The following NEDD4L variants were observed in gnomAD, a reference collection of about 807,000 sequenced individuals.
NEDD4L encodes the protein NEDD4 like E3 ubiquitin protein ligase.
In NEDD4L, 54 loss-of-function variants were observed where a neutral mutation model predicts 148.9. The observed-to-expected ratio is 0.36, with a 90% confidence interval of 0.29 to 0.45. The LOEUF is 0.45. Ranked by LOEUF, NEDD4L falls within the 20% of genes least tolerant of loss-of-function variation. The pLI is 1.00. For synonymous variants in NEDD4L, 433 were observed against 440.7 expected (o/e 0.98, Z 0.22); for missense variants, 856 against 1,233.8 (o/e 0.69, Z 4.59).
intron 13 of NEDD4L, chr18:58,336,108 G>A (rs2041718327): frequency 6.6e-6 from 1 of 152,262 alleles, no homozygotes; most frequent in Non-Finnish European, 1.5e-5. Flanking sequence ...GGATATATAA[G>A]TGATCTAGAA....
chr18:58,121,684 C>T (rs1203704762), intron 1 of NEDD4L, among the ~76,000 whole-genome samples: 1 of 152,214 alleles, frequency 6.6e-6, no homozygotes, highest in Non-Finnish European at 1.5e-5. Flanking sequence ...GCTGGGATTG[C>T]AGGCATGAGC....
At chr18:58,278,141 CT>C (rs2052431917) in intron 5 of NEDD4L, among the ~76,000 whole-genome samples, 1 of 151,878 alleles carries the variant, frequency 6.6e-6, no homozygotes, top group Non-Finnish European at 1.5e-5. Context: ...CCATGTAGTT[CT>C]TTGATAGAAT....
intron 19 of NEDD4L, among the ~76,000 whole-genome samples, chr18:58,357,741 A>G (rs1222749336): frequency 6.6e-6 from 1 of 152,192 alleles, no homozygotes; most frequent in Non-Finnish European, 1.5e-5. Context: ...GCCGACCCAC[A>G]GTGTTCTCAT....
At chr18:58,140,128 A>G (rs2033330539) in intron 1 of NEDD4L, among the ~76,000 whole-genome samples, 1 of 152,152 alleles carries the variant, frequency 6.6e-6, no homozygotes, top group South Asian at 2.1e-4. Context: ...GGACTGGAGC[A>G]ATGACATACC....
chr18:58,315,529 T>A (rs999648191), intron 5 of NEDD4L, among the ~76,000 whole-genome samples: 1 of 152,068 alleles, frequency 6.6e-6, no homozygotes, highest in African/African-American at 2.4e-5. Flanking sequence ...TGAGATGCAG[T>A]TTGTAAGATG....
At chr18:58,229,914 A>G (rs2044901804) in intron 2 of NEDD4L, among the ~76,000 whole-genome samples, 1 of 152,134 alleles carries the variant, frequency 6.6e-6, no homozygotes, top group South Asian at 2.1e-4. Flanking sequence ...CCTTGAACCC[A>G]GGAGGCGGAG....
At chr18:58,357,120 T>C in intron 18 of NEDD4L, 74 bp from the exon 19 acceptor site, 1 of 1,361,570 alleles carries the variant, frequency 7.3e-7, no homozygotes, top group Non-Finnish European at 1.0e-6. Context: ...AATACTTCCT[T>C]CCAAAACTTT....
At chr18:58,347,092 A>G (rs2043165500) in intron 16 of NEDD4L, among the ~76,000 whole-genome samples, 1 of 151,950 alleles carries the variant, frequency 6.6e-6, no homozygotes, top group African/African-American at 2.4e-5. Flanking sequence ...CTAGGTTTCC[A>G]TGCAAGGCCA....
At chr18:58,345,731 C>CT (rs933934722) in intron 16 of NEDD4L, among the ~76,000 whole-genome samples, 1 of 151,758 alleles carries the variant, frequency 6.6e-6, no homozygotes, top group Non-Finnish European at 1.5e-5. Context: ...GCCTCATTCT[C>CT]TTTTTTTTAA....
At chr18:58,144,115 T>TAAAAAAAAA (rs5825266) in intron 1 of NEDD4L, among the ~76,000 whole-genome samples, 1 of 142,874 alleles carries the variant, frequency 7.0e-6, no homozygotes, top group Non-Finnish European at 1.5e-5. Flanking sequence ...AGAGCAGCAT[T>TAAAAAAAAA]AAAAAAAAAA....
In NEDD4L at chr18:58,113,977, C is replaced by G. The variant is rs183306966; in HGVS notation, c.49-51811C>G. Among the ~76,000 whole-genome samples, 988 of 152,330 alleles carry G rather than the reference C, an allele frequency of 6.5e-3. 5 individuals are homozygous for G. Among genetic ancestry groups the G allele is most frequent in the Non-Finnish European group, 0.011 (746 of 68,036 alleles). On this transcript the variant is annotated intron_variant, in intron 1 of 30. Coordinates refer to ENST00000400345, the MANE Select transcript of NEDD4L (RefSeq NM_001144967.3). Reference sequence around the variant, plus strand: ...AGTGCCCACGTTTTCTGTCCTCTGTCCCCTGTGAGGGTATGTGCGCTCTCA... The same window carrying G: ...AGTGCCCACGTTTTCTGTCCTCTGTGCCCTGTGAGGGTATGTGCGCTCTCA...
chr18:58,114,135 T>C (rs538257), intron 1 of NEDD4L, among the ~76,000 whole-genome samples: 143,056 of 152,198 alleles, frequency 0.94, 67,330 homozygotes, highest in East Asian at 1. Flanking sequence ...TTTTTAGGGC[T>C]GTGCATTCTT....
chr18:58,238,361 C>T (rs988064168), intron 2 of NEDD4L, among the ~76,000 whole-genome samples: 1 of 152,128 alleles, frequency 6.6e-6, no homozygotes, highest in Admixed American at 6.5e-5. Context: ...TTACAGGGTT[C>T]AGTACCTCAT....
rs34075636 is a variant in NEDD4L at position 58,148,048 on chromosome 18, C to CT, written c.49-17730dup. The stretch of plus-strand genomic sequence containing the variant: ...AAGGAGTCCACCCCTCTCTCCCCCC[C>CT]TTTTTTTTTTGGTCACTGAAATATT... On this transcript the variant is annotated intron_variant, in intron 1 of 30. Transcript: ENST00000400345. Among the ~76,000 whole-genome samples, 370 of 148,484 alleles carry CT rather than the reference C, an allele frequency of 2.5e-3. 1 individual carries two copies. Among genetic ancestry groups the CT allele is most frequent in the African/African-American group, 8.0e-3 (326 of 40,678 alleles).
At chr18:58,165,642 G>T in intron 1 of NEDD4L, 146 bp from the exon 2 acceptor site, 4 of 1,523,542 alleles carry the variant, frequency 2.6e-6, no homozygotes, top group Non-Finnish European at 3.5e-6. Context: ...GAACTTCAGT[G>T]TAAGGAAGAA....
At chr18:58,169,404 T>G (rs1286378524) in intron 2 of NEDD4L, among the ~76,000 whole-genome samples, 1 of 152,112 alleles carries the variant, frequency 6.6e-6, no homozygotes, top group African/African-American at 2.4e-5. Flanking sequence ...CGCTTTTGTC[T>G]GGAATGAATG....
intron 1 of NEDD4L, among the ~76,000 whole-genome samples, chr18:58,140,999 C>T (rs1429742653): frequency 2.0e-5 from 3 of 152,166 alleles, no homozygotes; most frequent in African/African-American, 7.2e-5. Context: ...GGGTTTGAGA[C>T]CCAGCTCTCC....
In NEDD4L at chr18:58,256,611, A is replaced by G. The variant is rs2048616948; in HGVS notation, c.297+4557A>G. 17 of 1,232,242 alleles carry G rather than the reference A, an allele frequency of 1.4e-5. No homozygotes were observed. Among genetic ancestry groups the G allele is most frequent in the Non-Finnish European group, 1.7e-5 (17 of 988,024 alleles). 76.3% of individuals were successfully genotyped at this position (1,232,242 alleles called of 1,614,324 possible). On this transcript the variant is annotated intron_variant, in intron 5 of 30. Coordinates refer to ENST00000400345, the MANE Select transcript of NEDD4L (RefSeq NM_001144967.3). The surrounding 1 kb of genome is among the most constrained non-coding windows in gnomAD (Gnocchi z 5.2). ...GAAATCCGCAGGACGAACTCCGCGG[A>G]GAGGACTCCGCAGGGCCAGGGGTGC...
At chr18:58,098,898 C>T (rs2084590815) in intron 1 of NEDD4L, among the ~76,000 whole-genome samples, 1 of 152,172 alleles carries the variant, frequency 6.6e-6, no homozygotes, top group Non-Finnish European at 1.5e-5. Context: ...ATACCCAACC[C>T]ATGTCACAGG....
Sources: gnomAD v4.1 joint callset for allele counts (sites outside exome capture counted in the v4.1 genomes callset) on GRCh38, gnomAD v4.1.1 for gene constraint, Gnocchi (gnomAD v3.1) non-coding constraint, MANE v1.5 for transcripts, NCBI Gene and HGNC (gene_info 2026-07-23, HGNC 2026-07-21) for gene names.